Variants in NFIB observed in about 807,000 individuals in gnomAD.
The protein encoded by NFIB is nuclear factor I B, also known as nuclear factor 1 B-type.
NFIB carries 11 observed loss-of-function variants against 61.5 expected under a neutral mutation model. The ratio of observed to expected loss-of-function variants is 0.18; its 90% CI spans 0.11 to 0.30. The LOEUF (loss-of-function observed/expected upper bound fraction) is 0.30, where lower values mean the gene tolerates loss of function less well. Among genes scored for constraint, NFIB ranks in the 10% least tolerant of loss-of-function variants. The probability of loss-of-function intolerance (pLI) is 1.00; values close to 1 mark genes in which losing one functional copy is unlikely to be tolerated. For missense variants in NFIB, 471 were observed against 608.9 expected, an observed-to-expected ratio of 0.77 and a Z score of 2.38; for synonymous variants, 260 against 216.5, an observed-to-expected ratio of 1.20 and a Z score of -1.76.
chr9:14,259,764 G>A (rs1267297786), intron 2 of NFIB, among the ~76,000 whole-genome samples: 1 of 152,090 alleles, frequency 6.6e-6, no homozygotes. Flanking sequence ...AATTAGCCGG[G>A]CGTGGTGGCG....
chr9:14,283,905 C>G (rs2132460866), intron 2 of NFIB, among the ~76,000 whole-genome samples: 1 of 152,318 alleles, frequency 6.6e-6, no homozygotes, highest in Admixed American at 6.5e-5. Context: ...GTAGGTAGGA[C>G]TACACTGAGA....
the NFIB span, among the ~76,000 whole-genome samples, chr9:14,514,844 A>G: frequency 6.6e-6 from 1 of 152,186 alleles, no homozygotes; most frequent in Non-Finnish European, 1.5e-5. Flanking sequence ...CAAATGAACC[A>G]GAATCACAGT....
At chr9:14,155,967 A>C (rs963607465) in intron 3 of NFIB, 74 bp from the exon 4 acceptor site, 1 of 882,420 alleles carries the variant, frequency 1.1e-6, no homozygotes, top group Non-Finnish European at 1.7e-6. Flanking sequence ...ACTAGAATTT[A>C]AGTGTTTTAA....
At chr9:14,186,285 T>C (rs2047325523) in intron 2 of NFIB, among the ~76,000 whole-genome samples, 1 of 152,124 alleles carries the variant, frequency 6.6e-6, no homozygotes, top group Admixed American at 6.5e-5. Context: ...GAACTAAACT[T>C]AGTCATCCTG....
At chr9:14,530,340 CCACTTTAGAGTTTATAT>C in the NFIB span, among the ~76,000 whole-genome samples, 1 of 151,862 alleles carries the variant, frequency 6.6e-6, no homozygotes, top group Non-Finnish European at 1.5e-5. Flanking sequence ...TAACAGTTTG[CCACTTTAGAGTTTATAT>C]CACTTGTAAA....
At chr9:14,498,773 CCCTCCCTCCCTCCCTCCCTCCCTCCCTT>C in the NFIB span, among the ~76,000 whole-genome samples, 7 of 34,572 alleles carry the variant, frequency 2.0e-4, no homozygotes, top group East Asian at 1.6e-3. Flanking sequence ...GGCCCTCCCT[CCCTCCCTCCCTCCCTCCCTCCCTCCCTT>C]CCTCCCTTCC....
intron 2 of NFIB, among the ~76,000 whole-genome samples, chr9:14,218,069 C>G (rs750512739): frequency 1.3e-5 from 2 of 152,056 alleles, no homozygotes; most frequent in African/African-American, 2.4e-5. Context: ...CTGTAGATTT[C>G]ATCGAACTTT....
rs1045498165 is a variant in NFIB, at chr9:14,084,872, T to TA, written c.*3436dup. ...GAAAGAAGAAAAAATTGATTTGAAA[T>TA]AAAAAAAGCAACACTTGAACTAGGC... is the stretch of plus-strand genomic sequence containing the variant. On this transcript the variant is annotated 3_prime_UTR_variant, in exon 11 of 11. Coordinates refer to ENST00000380953, the MANE Select transcript of NFIB (RefSeq NM_001190737.2). 6 of 229,806 alleles carry TA rather than the reference T, an allele frequency of 2.6e-5. No individual in the cohort carries two copies. Among genetic ancestry groups the TA allele is most frequent in the South Asian group, 1.8e-4 (1 of 5,494 alleles). The allele number at this position is 229,806 out of a possible 1,614,324, so 14.2% of individuals were successfully genotyped here. A position where few individuals can be genotyped will look rare whatever the true frequency, so the allele number is the denominator to read the frequency against.
At chr9:14,136,180 T>C (rs773352737) in intron 6 of NFIB, among the ~76,000 whole-genome samples, 1 of 152,324 alleles carries the variant, frequency 6.6e-6, no homozygotes, top group Non-Finnish European at 1.5e-5. Context: ...AACTACTTTT[T>C]AAAAACACTT....
chr9:14,505,296 G>T, the NFIB span, among the ~76,000 whole-genome samples: 1 of 152,120 alleles, frequency 6.6e-6, no homozygotes, highest in Non-Finnish European at 1.5e-5. Context: ...GTTCATCAGG[G>T]ATATTGATCT....
intron 2 of NFIB, among the ~76,000 whole-genome samples, chr9:14,256,536 G>T (rs943171071): frequency 3.3e-5 from 5 of 152,148 alleles, no homozygotes; most frequent in Admixed American, 1.3e-4. Context: ...AGAAAAAAAG[G>T]AAGAGGAGTG....
chr9:14,481,197 G>GTGTGTATATATATATA, the NFIB span, among the ~76,000 whole-genome samples: 21 of 45,838 alleles, frequency 4.6e-4, no homozygotes, highest in Admixed American at 6.1e-4. Flanking sequence ...GTGTGTGTGT[G>GTGTGTATATATATATA]TATATATATA....
intron 2 of NFIB, among the ~76,000 whole-genome samples, chr9:14,260,530 G>C (rs1457931014): frequency 6.6e-6 from 1 of 152,180 alleles, no homozygotes; most frequent in African/African-American, 2.4e-5. Flanking sequence ...AAATCTCATG[G>C]TGCTTCAAAT....
intron 2 of NFIB, among the ~76,000 whole-genome samples, chr9:14,283,173 A>G (rs1271664560): frequency 1.3e-5 from 2 of 152,234 alleles, no homozygotes; most frequent in Non-Finnish European, 2.9e-5. Flanking sequence ...ATTAACATTT[A>G]GCACACATTT....
At chr9:14,408,551 A>C in the NFIB span, among the ~76,000 whole-genome samples, 1 of 152,192 alleles carries the variant, frequency 6.6e-6, no homozygotes, top group African/African-American at 2.4e-5. Context: ...CTTGAAGATT[A>C]ATTTCTGGAT....
the NFIB span, among the ~76,000 whole-genome samples, chr9:14,484,338 C>G: frequency 6.6e-6 from 1 of 152,160 alleles, no homozygotes; most frequent in Non-Finnish European, 1.5e-5. Flanking sequence ...ATAGATTTAA[C>G]TCTTTGCTTT....
chr9:14,304,551 T>G (rs1477852417), intron 2 of NFIB, among the ~76,000 whole-genome samples: 1 of 152,236 alleles, frequency 6.6e-6, no homozygotes, highest in Admixed American at 6.5e-5. Context: ...TCTCTGTTCT[T>G]TCTCATGTTT....
chr9:14,166,065 C>T (rs1006091053), intron 3 of NFIB, among the ~76,000 whole-genome samples: 41 of 152,172 alleles, frequency 2.7e-4, no homozygotes, highest in African/African-American at 9.7e-4. Context: ...TTGTTAACCA[C>T]ATTCTTGTTT....
chr9:14,129,892 G>A (rs2040196470), intron 6 of NFIB, among the ~76,000 whole-genome samples: 1 of 152,136 alleles, frequency 6.6e-6, no homozygotes, highest in African/African-American at 2.4e-5. Flanking sequence ...AAAATGATAG[G>A]CAAAGGATTA....
Sources: gnomAD v4.1 joint callset for allele counts (sites outside exome capture counted in the v4.1 genomes callset) on GRCh38, gnomAD v4.1.1 for gene constraint, MANE v1.5 for transcripts, NCBI Gene and HGNC (gene_info 2026-07-23, HGNC 2026-07-21) for gene names.